ADCY5: variants seen among roughly 807,000 people sequenced by gnomAD.
ADCY5 encodes the protein adenylate cyclase type 5.
Under a neutral mutation model 119.7 loss-of-function variants are expected in ADCY5, and 30 were observed. The observed-to-expected ratio is 0.25, with a 90% CI of 0.19 to 0.34. The LOEUF is 0.34. ADCY5 is among the 10% of genes least tolerant of loss of function. The pLI, the probability that ADCY5 is intolerant of heterozygous loss-of-function variation, is 1.00. For synonymous variants in ADCY5, 753 were observed against 762.2 expected (o/e 0.99, Z 0.20); for missense variants, 1,324 against 1,775.2 (o/e 0.75, Z 4.57).
intron 1 of ADCY5, among the ~76,000 whole-genome samples, chr3:123,404,897 G>A (rs1446782576): frequency 6.6e-6 from 1 of 152,216 alleles, no homozygotes; most frequent in Non-Finnish European, 1.5e-5. Context: ...TATCTATTCA[G>A]ACCCCATCTT....
intron 12 of ADCY5, among the ~76,000 whole-genome samples, chr3:123,308,235 C>T (rs1189166983): frequency 6.6e-6 from 1 of 151,674 alleles, no homozygotes; most frequent in Non-Finnish European, 1.5e-5. Flanking sequence ...GACAGGGTTT[C>T]ACTGTGTTAG....
intron 1 of ADCY5, among the ~76,000 whole-genome samples, chr3:123,392,299 T>A (rs1401107020): frequency 6.6e-6 from 1 of 152,236 alleles, no homozygotes; most frequent in African/African-American, 2.4e-5. Flanking sequence ...TATGGCTTTA[T>A]GATCACAGAA....
At chr3:123,308,810 C>G (rs1285950041) in intron 12 of ADCY5, among the ~76,000 whole-genome samples, 9 of 149,476 alleles carry the variant, frequency 6.0e-5, no homozygotes, top group Non-Finnish European at 1.3e-4. Context: ...GCCTGGGCAA[C>G]AGAGCGAGAC....
At position 123,322,510 on chromosome 3, in the gene ADCY5, A is replaced by G. The variant is rs76801495; in HGVS notation, c.2089-1739T>C. On this transcript the variant is annotated intron_variant, in intron 8 of 20. Coordinates refer to ENST00000462833, the MANE Select transcript of ADCY5 (RefSeq NM_183357.3). ...GAGTTGGTAACAGTACAGAAAATAT[A>G]CTGGTACACAAACCATGGCAGGGGG... 9.6e-3 allele frequency among the ~76,000 whole-genome samples: 1,469 copies of G among 152,248 alleles called. 9 individuals carry two copies. Among genetic ancestry groups the G allele is most frequent in the Middle Eastern group, 0.037 (11 of 294 alleles).
chr3:123,384,394 C>T (rs1413435948), intron 1 of ADCY5, among the ~76,000 whole-genome samples: 7 of 152,204 alleles, frequency 4.6e-5, no homozygotes, highest in South Asian at 2.1e-4. Flanking sequence ...ATGACTGAGT[C>T]GCCCTGGGTC....
intron 1 of ADCY5, among the ~76,000 whole-genome samples, chr3:123,413,612 A>G (rs1257986258): frequency 6.6e-6 from 1 of 152,216 alleles, no homozygotes; most frequent in Non-Finnish European, 1.5e-5. Flanking sequence ...GGAGCAACCG[A>G]TTAACAGCCT....
At chr3:123,326,147 G>A (rs1941473164) in intron 7 of ADCY5, among the ~76,000 whole-genome samples, 1 of 152,226 alleles carries the variant, frequency 6.6e-6, no homozygotes, top group Admixed American at 6.5e-5. Context: ...CAACAGAGAG[G>A]GCACTAGGAC....
At chr3:123,435,603 C>CT (rs1053142245) in intron 1 of ADCY5, among the ~76,000 whole-genome samples, 58 of 151,900 alleles carry the variant, frequency 3.8e-4, no homozygotes, top group African/African-American at 1.3e-3. Flanking sequence ...CTAAGAAAAC[C>CT]TTTTTTTTAA....
At chr3:123,443,380 A>G (rs954958495) in intron 1 of ADCY5, among the ~76,000 whole-genome samples, 6 of 152,192 alleles carry the variant, frequency 3.9e-5, no homozygotes, top group Non-Finnish European at 7.3e-5. Flanking sequence ...CAGGGCTGCC[A>G]TGATCTCCTT....
rs770147741 is a variant in ADCY5, at chr3:123,304,103, G to A, written c.2523C>T (p.Thr841=). The A allele has an allele frequency of 1.2e-6, 2 of 1,613,740 alleles. No individual in the cohort carries two copies. The highest frequency in any genetic ancestry group is 4.5e-5 in the East Asian group (2 of 44,848). ...AAGCCGCCAGGAACACCAGGGTGAT[G>A]GTGAACACCCCAACCAGGGTGCTGT... The part of the protein sequence containing the change: ...KMNSTLVGVF[T]ITLVFLAAFV... Residue 841 remains threonine, a synonymous_variant, in exon 13 of 21, where the codon ACC becomes ACT. Transcript: ENST00000462833.
rs74978859 is a variant in ADCY5 at position 123,432,651 on chromosome 3, C to T, written c.1134+14761G>A. On this transcript the variant is annotated intron_variant, in intron 1 of 20. Coordinates refer to ENST00000462833, the MANE Select transcript of ADCY5 (RefSeq NM_183357.3). ...GCTCCAGTGATCCTCTTGCCTCAGCCTCCTAACTGGGACCACAGGTACATG... is the reference window on the plus strand; with the variant it reads ...GCTCCAGTGATCCTCTTGCCTCAGCTTCCTAACTGGGACCACAGGTACATG... 1.3e-3 allele frequency among the ~76,000 whole-genome samples: 193 copies of T among 152,302 alleles called. 7 individuals are homozygous for T. The East Asian group carries it at 0.036, about 28-fold the overall frequency.
intron 6 of ADCY5, 23 bp downstream of exon 6, chr3:123,328,614 GGCCCCAA>G (rs1264834822): frequency 8.1e-6 from 13 of 1,610,650 alleles, no homozygotes; most frequent in Non-Finnish European, 1.1e-5. Flanking sequence ...CCCAGGTCGG[GGCCCCAA>G]GCCACCCACA....
At chr3:123,294,081 C>T (rs1446654434) in intron 17 of ADCY5, among the ~76,000 whole-genome samples, 4 of 152,164 alleles carry the variant, frequency 2.6e-5, no homozygotes, top group Non-Finnish European at 5.9e-5. Flanking sequence ...CATTAAAATA[C>T]ATAGTGAGGG....
At chr3:123,408,533 G>A (rs1413694484) in intron 1 of ADCY5, among the ~76,000 whole-genome samples, 1 of 151,832 alleles carries the variant, frequency 6.6e-6, no homozygotes, top group Non-Finnish European at 1.5e-5. Context: ...GCATGCGCCT[G>A]TAGTCCCAGC....
chr3:123,412,645 G>A (rs532410909), intron 1 of ADCY5, among the ~76,000 whole-genome samples: 22 of 152,238 alleles, frequency 1.4e-4, no homozygotes, highest in Middle Eastern at 3.4e-3. Context: ...GGTGCAGAAG[G>A]AACCTGAGCA....
chr3:123,317,357 CAGAA>C, intron 11 of ADCY5, among the ~76,000 whole-genome samples: 1 of 143,850 alleles, frequency 7.0e-6, no homozygotes, highest in East Asian at 2.0e-4. Context: ...CAAGAACTAA[CAGAA>C]AGCAGCCCAG....
In ADCY5 at chr3:123,328,805, G is replaced by A. The variant is rs1941618440; in HGVS notation, c.1647-3C>T. ...CCCCTGTCACCTCCCGGACCAACCTGGGGATGGAGCAGGAGTAAAGCTGGG... is the reference window on the plus strand; with the variant it reads ...CCCCTGTCACCTCCCGGACCAACCTAGGGATGGAGCAGGAGTAAAGCTGGG... On this transcript the variant is annotated splice_polypyrimidine_tract_variant and splice_region_variant and intron_variant, in intron 5 of 20. Coordinates refer to ENST00000462833, the MANE Select transcript of ADCY5 (RefSeq NM_183357.3). 6.2e-7 allele frequency: 1 copy of A among 1,614,064 alleles called. No individual in the cohort carries two copies. Among genetic ancestry groups the A allele is most frequent in the East Asian group, 2.2e-5 (1 of 44,888 alleles).
intron 1 of ADCY5, among the ~76,000 whole-genome samples, chr3:123,410,034 T>A (rs923091475): frequency 6.6e-6 from 1 of 152,220 alleles, no homozygotes; most frequent in East Asian, 1.9e-4. Context: ...AACTGAGACC[T>A]GTGTTCCCTG....
intron 5 of ADCY5, 34 bp downstream of exon 5, chr3:123,330,855 G>A: frequency 6.3e-7 from 1 of 1,590,214 alleles, no homozygotes; most frequent in Non-Finnish European, 8.6e-7. Flanking sequence ...ACAGTCCCAG[G>A]GAGGGAGACG....
Sources: allele counts gnomAD v4.1 joint callset (sites outside exome capture counted in the v4.1 genomes callset), GRCh38; gene constraint gnomAD v4.1.1; transcripts MANE v1.5; gene names NCBI Gene and HGNC (gene_info 2026-07-23, HGNC 2026-07-21).